Variants in MACF1 observed in about 807,000 individuals in gnomAD.
MACF1 encodes the protein microtubule actin crosslinking factor 1, also known as microtubule-actin cross-linking factor 1.
MACF1 carries 193 observed loss-of-function variants against 854.8 expected under a neutral mutation model. The ratio of observed to expected loss-of-function variants is 0.23; its 90% confidence interval spans 0.20 to 0.25. The LOEUF (loss-of-function observed/expected upper bound fraction) is 0.25, where lower values mean the gene tolerates loss of function less well. MACF1 is among the 10% of genes least tolerant of loss of function. The probability of loss-of-function intolerance (pLI) is 1.00; values close to 1 mark genes in which losing one functional copy is unlikely to be tolerated. For missense variants in MACF1, 7,722 were observed against 8,929.1 expected, an observed-to-expected ratio of 0.86 and a Z score of 5.45; for synonymous variants, 3,185 against 3,226.7, an observed-to-expected ratio of 0.99 and a Z score of 0.44.
At chr1:39,292,150 A>G in intron 16 of MACF1, 112 bp downstream of exon 16, 1 of 1,260,326 alleles carries the variant, frequency 7.9e-7, no homozygotes. Context: ...GAAAAGAATA[A>G]TGATGATGAA....
chr1:39,226,842 A>G (rs1297449131), intron 1 of MACF1, among the ~76,000 whole-genome samples: 1 of 152,238 alleles, frequency 6.6e-6, no homozygotes, highest in Non-Finnish European at 1.5e-5. Context: ...TATAAAAAAA[A>G]GAAATTATAA....
intron 22 of MACF1, 34 bp from the exon 23 acceptor site, chr1:39,302,890 C>G: frequency 6.3e-7 from 1 of 1,591,996 alleles, no homozygotes; most frequent in Non-Finnish European, 8.6e-7. Context: ...GTTGGTTTAT[C>G]CATTAGCAAT....
chr1:39,259,235 T>G (rs1016462554), intron 6 of MACF1, among the ~76,000 whole-genome samples: 1 of 152,190 alleles, frequency 6.6e-6, no homozygotes, highest in Non-Finnish European at 1.5e-5. Flanking sequence ...TAAGGAGAAT[T>G]TATTCACTGT....
chr1:39,236,269 G>T (rs1376089914), intron 2 of MACF1, among the ~76,000 whole-genome samples: 1 of 152,156 alleles, frequency 6.6e-6, no homozygotes, highest in Non-Finnish European at 1.5e-5. Context: ...GGCTCTGGTT[G>T]CTGCCTACCT....
At chr1:39,438,362 A>T (rs539396383) in intron 71 of MACF1, among the ~76,000 whole-genome samples, 65 of 152,368 alleles carry the variant, frequency 4.3e-4, no homozygotes, top group Non-Finnish European at 8.1e-4. Flanking sequence ...TTCTCATCTT[A>T]GCCCTTTTGT....
chr1:39,463,538 TA>T, intron 93 of MACF1, 73 bp from the exon 94 acceptor site: 1 of 1,063,860 alleles, frequency 9.4e-7, no homozygotes, highest in Non-Finnish European at 1.4e-6. Flanking sequence ...TGTTAATGTA[TA>T]AAAATCTTTG....
Position 39,455,001 on chromosome 1 carries a change from A to G in MACF1, c.20979A>G (p.Ala6993=), listed in dbSNP as rs1014941221. The part of the protein sequence containing the change: ...ANAELLEELL[A]WIQWAETTLI... The stretch of plus-strand genomic sequence containing the variant: ...CTGAGCTCCTGGAAGAACTTCTGGC[A>G]TGGATCCAGTGGGCTGAGACCACCC... Residue 6993 remains alanine, a synonymous_variant, in exon 89 of 101, where the codon GCA becomes GCG. Coordinates refer to ENST00000564288, the MANE Select transcript of MACF1 (RefSeq NM_001394062.1). 6.2e-7 allele frequency: 1 copy of G among 1,614,124 alleles called. No homozygotes were observed. The highest frequency in any genetic ancestry group is 8.5e-7 in the Non-Finnish European group (1 of 1,180,024).
chr1:39,163,077 G>A (rs1169153902), intron 2 of MACF1, among the ~76,000 whole-genome samples: 1 of 152,092 alleles, frequency 6.6e-6, no homozygotes, highest in Admixed American at 6.6e-5. Context: ...TAGTCGCCGG[G>A]CATGGTGGCT....
At chr1:39,383,577 T>C (rs1207317774) in intron 56 of MACF1, among the ~76,000 whole-genome samples, 1 of 152,106 alleles carries the variant, frequency 6.6e-6, no homozygotes, top group Non-Finnish European at 1.5e-5. Flanking sequence ...CATAAAAGTT[T>C]GATAATAAGA....
intron 2 of MACF1, among the ~76,000 whole-genome samples, chr1:39,104,477 T>C (rs1010605354): frequency 6.6e-6 from 1 of 152,212 alleles, no homozygotes; most frequent in African/African-American, 2.4e-5. Flanking sequence ...CAGAGTCCTT[T>C]CTTTGTTCCC....
At chr1:39,436,588 A>C (rs1643982563) in intron 70 of MACF1, 2 of 1,164,982 alleles carry the variant, frequency 1.7e-6, no homozygotes, top group Non-Finnish European at 2.6e-6. Flanking sequence ...TAGTGGAATA[A>C]ATTTAATTAG....
intron 97 of MACF1, among the ~76,000 whole-genome samples, chr1:39,473,036 G>A (rs1268602998): frequency 6.6e-6 from 1 of 152,200 alleles, no homozygotes. Flanking sequence ...TCTCTGGCCA[G>A]TGAAATACTA....
At chr1:39,194,349 TTC>T (rs1184978359) in intron 2 of MACF1, among the ~76,000 whole-genome samples, 269 of 51,142 alleles carry the variant, frequency 5.3e-3, no homozygotes, top group African/African-American at 0.019. Flanking sequence ...TTCTTTTCTT[TTC>T]TTTTTTTTTT....
At chr1:39,416,734 A>C (rs1328574700) in intron 58 of MACF1, among the ~76,000 whole-genome samples, 3 of 152,172 alleles carry the variant, frequency 2.0e-5, no homozygotes, top group Non-Finnish European at 4.4e-5. Flanking sequence ...GCCTGATGTA[A>C]ATGACAGGAG....
intron 2 of MACF1, among the ~76,000 whole-genome samples, chr1:39,187,069 C>G (rs191571741): frequency 2.6e-5 from 4 of 151,748 alleles, no homozygotes; most frequent in African/African-American, 4.8e-5. Flanking sequence ...ATTCTTACCC[C>G]CTTAACGTAC....
chr1:39,369,782 A>G (rs1649072394), intron 50 of MACF1, among the ~76,000 whole-genome samples: 1 of 152,130 alleles, frequency 6.6e-6, no homozygotes, highest in African/African-American at 2.4e-5. Context: ...TCTCACTTTC[A>G]CTTTAGCCTA....
chr1:39,088,208 G>A lies in MACF1; in HGVS notation c.220+3770G>A, dbSNP rs564812115. ...AGGATGGTCTCCATCTCCTGACCTC[G>A]TGATCCGCCCGCCTCAGCCTCCCAA... On this transcript the variant is annotated intron_variant, in intron 2 of 93. Coordinates refer to the MACF1 transcript ENST00000361689. 6.9e-4 allele frequency among the ~76,000 whole-genome samples: 105 copies of A among 152,112 alleles called. 1 individual carries two copies. The highest frequency in any genetic ancestry group is 2.4e-3 in the African/African-American group (99 of 41,496).
rs775524995 is a variant in MACF1 at position 39,430,854 on chromosome 1, C to T, written c.17283C>T (p.Asp5761=). 6.2e-7 allele frequency: 1 copy of T among 1,612,550 alleles called. No homozygotes were observed. The highest frequency in any genetic ancestry group is 8.5e-7 in the Non-Finnish European group (1 of 1,180,010). Residue 5761 remains aspartate (D), a synonymous_variant, in exon 66 of 101, where the codon GAC becomes GAT. Coordinates refer to ENST00000564288, the MANE Select transcript of MACF1 (RefSeq NM_001394062.1). ...ACGAGCAGTACAAACTAGTCAGTGA[C>T]ACTATTGGACAAAGGGTGGATGAAA... The part of the protein sequence containing the change: ...DANEQYKLVS[D]TIGQRVDEID...
intron 3 of MACF1, among the ~76,000 whole-genome samples, chr1:39,250,614 G>A (rs758740261): frequency 1.2e-4 from 18 of 152,174 alleles, no homozygotes; most frequent in Admixed American, 6.5e-4. Context: ...TCCCTTCTGT[G>A]ATTCATTGAG....
Sources: allele counts gnomAD v4.1 joint callset (sites outside exome capture counted in the v4.1 genomes callset), GRCh38; gene constraint gnomAD v4.1.1; transcripts MANE v1.5; gene names NCBI Gene and HGNC (gene_info 2026-07-23, HGNC 2026-07-21).